ATG7: variants seen among roughly 807,000 people sequenced by gnomAD.
The protein encoded by ATG7 is autophagy related 7, also known as ubiquitin-like modifier-activating enzyme ATG7.
A neutral mutation model predicts 82.4 loss-of-function variants in ATG7; 70 were observed. The ratio of observed to expected loss-of-function variants is 0.85; its 90% confidence interval spans 0.70 to 1.04. The LOEUF (loss-of-function observed/expected upper bound fraction) is 1.04. Among genes scored for constraint, ATG7 ranks in the 50% least tolerant of loss-of-function variants. ATG7 has a pLI of 0.00. For missense variants in ATG7, 792 were observed against 864.3 expected (o/e 0.92, Z 1.05); for synonymous variants, 287 against 313.0 (o/e 0.92, Z 0.88).
chr3:11,575,762 A>G, the ATG7 span, among the ~76,000 whole-genome samples: 2 of 152,244 alleles, frequency 1.3e-5, no homozygotes, highest in African/African-American at 4.8e-5. Context: ...TTTGGCTAGA[A>G]TGAGGCGTAA....
intron 20 of ATG7, among the ~76,000 whole-genome samples, chr3:11,430,776 A>G (rs961484737): frequency 2.0e-5 from 3 of 152,234 alleles, no homozygotes; most frequent in Non-Finnish European, 2.9e-5. Context: ...AGTCATTTGT[A>G]TATTAAGTGC....
intron 20 of ATG7, among the ~76,000 whole-genome samples, chr3:11,505,038 G>A (rs1002895990): frequency 7.2e-5 from 11 of 152,132 alleles, no homozygotes; most frequent in Non-Finnish European, 1.3e-4. Context: ...ATATGAGCAC[G>A]TTATTTTAAC....
chr3:11,564,738 TC>T, the ATG7 span: 1 of 1,487,872 alleles, frequency 6.7e-7, no homozygotes. Flanking sequence ...GGGCTCTCCA[TC>T]CAGCCCAGTC....
chr3:11,425,240 AGGC>A (rs2082267083), intron 19 of ATG7, among the ~76,000 whole-genome samples: 1 of 152,246 alleles, frequency 6.6e-6, no homozygotes, highest in African/African-American at 2.4e-5. Flanking sequence ...CTAGGATTAC[AGGC>A]ATGAGCCATC....
chr3:11,483,806 T>G (rs182590786), intron 20 of ATG7, among the ~76,000 whole-genome samples: 3 of 152,328 alleles, frequency 2.0e-5, no homozygotes, highest in Admixed American at 6.5e-5. Flanking sequence ...CAGGATGGAC[T>G]CTACGGTAGA....
At chr3:11,427,981 A>T (rs530837903) in intron 20 of ATG7, among the ~76,000 whole-genome samples, 32 of 152,286 alleles carry the variant, frequency 2.1e-4, no homozygotes, top group African/African-American at 7.5e-4. Context: ...TACCTGGATA[A>T]AGAAGCCATG....
intron 15 of ATG7, among the ~76,000 whole-genome samples, chr3:11,359,741 C>T (rs1017362833): frequency 2.0e-5 from 3 of 150,718 alleles, no homozygotes; most frequent in South Asian, 2.1e-4. Context: ...ACCAACTATG[C>T]GGAGCCAGGC....
At chr3:11,560,761 C>T (rs930147378), downstream of ATG7, among the ~76,000 whole-genome samples, 1 of 152,150 alleles carries the variant, frequency 6.6e-6, no homozygotes, top group Admixed American at 6.5e-5. Flanking sequence ...CACTTAGCAG[C>T]GGGACAGAGC....
At chr3:11,429,749 A>C (rs1425549333) in intron 20 of ATG7, among the ~76,000 whole-genome samples, 2 of 151,560 alleles carry the variant, frequency 1.3e-5, no homozygotes, top group East Asian at 3.9e-4. Flanking sequence ...GGAGTTTGAG[A>C]CCAGCCTGGG....
In ATG7 at chr3:11,395,965, A is replaced by AAGG. The variant is rs1435086133; in HGVS notation, c.1956+15913_1956+15914insAGG. Among the ~76,000 whole-genome samples, 126 of 78,094 alleles carry AAGG rather than the reference A, an allele frequency of 1.6e-3. 17 individuals are homozygous for AAGG. The highest frequency in any genetic ancestry group is 3.0e-3 in the African/African-American group (51 of 17,250). The allele number at this position is 78,094 out of a possible 152,430, so 51.2% of individuals were successfully genotyped here. On this transcript the variant is annotated intron_variant, in intron 19 of 20. Coordinates refer to ENST00000693202, the MANE Select transcript of ATG7 (RefSeq NM_001349232.2). ...AAAAAAAAAAAAAAAAAAAAAAAAA[A>AAGG]GGTAGGGGGGGAAGAGTAAAAGTGA...
At chr3:11,564,197 GT>G in the ATG7 span, among the ~76,000 whole-genome samples, 1 of 152,162 alleles carries the variant, frequency 6.6e-6, no homozygotes, top group South Asian at 2.1e-4. Flanking sequence ...AAAAAGATTT[GT>G]TTCTACCAAG....
rs200554907 is a variant in ATG7 at position 11,348,010 on chromosome 3, G to A, written c.1259G>A (p.Arg420Gln). 67 of 1,613,836 alleles carry A rather than the reference G, an allele frequency of 4.2e-5. No individual in the cohort carries two copies. The highest frequency in any genetic ancestry group is 5.3e-5 in the Non-Finnish European group (62 of 1,179,818). The change falls in exon 14 of 21, where the codon CGG becomes CAG. Residue 420 changes from arginine (R) to glutamine (Q), a missense_variant. Arg to Gln is a conservative substitution (Grantham distance 43, BLOSUM62 1). Coordinates refer to ENST00000693202, the MANE Select transcript of ATG7 (RefSeq NM_001349232.2). ...CCCAAGGCTCTGGCAGCAGCGGACC[G>A]GCTCCAGAAAATATTCCCCGGTGTG... ...GKPKALAAAD[R>Q]LQKIFPGVNA...
chr3:11,378,671 T>A (rs2077624196), intron 18 of ATG7, among the ~76,000 whole-genome samples: 1 of 98,774 alleles, frequency 1.0e-5, no homozygotes, highest in Non-Finnish European at 1.8e-5. Flanking sequence ...GGCGACAGAG[T>A]GAGACTCCAT....
intron 19 of ATG7, among the ~76,000 whole-genome samples, chr3:11,385,139 C>T (rs111952938): frequency 0.088 from 13,393 of 152,182 alleles, 809 homozygotes; most frequent in African/African-American, 0.17. Flanking sequence ...AAGTGATTCT[C>T]CTGCCTCAGC....
intron 20 of ATG7, among the ~76,000 whole-genome samples, chr3:11,496,537 C>T (rs772511840): frequency 4.6e-5 from 7 of 152,182 alleles, no homozygotes; most frequent in South Asian, 2.1e-4. Flanking sequence ...TTTGTGTCCT[C>T]GCTGGACCAG....
At chr3:11,519,326 G>T (rs1266731016) in intron 20 of ATG7, among the ~76,000 whole-genome samples, 1 of 152,024 alleles carries the variant, frequency 6.6e-6, no homozygotes, top group South Asian at 2.1e-4. Flanking sequence ...ATAAATAGGC[G>T]AAGGTAATTA....
intron 20 of ATG7, among the ~76,000 whole-genome samples, chr3:11,508,389 G>T (rs1212729199): frequency 6.6e-6 from 1 of 151,730 alleles, no homozygotes; most frequent in East Asian, 1.9e-4. Context: ...TTACAAATTT[G>T]TGTTGGGCTG....
downstream of ATG7, among the ~76,000 whole-genome samples, chr3:11,561,331 G>A (rs2072979018): frequency 6.6e-6 from 1 of 151,862 alleles, no homozygotes; most frequent in African/African-American, 2.4e-5. Context: ...CACTTCAGAA[G>A]AGACTCTCTA....
chr3:11,314,311 A>G (rs1949084680), intron 8 of ATG7, among the ~76,000 whole-genome samples: 1 of 152,188 alleles, frequency 6.6e-6, no homozygotes, highest in Non-Finnish European at 1.5e-5. Flanking sequence ...GATGATTTGA[A>G]TTCTTGAAAC....
Sources: gnomAD v4.1 joint callset for allele counts (sites outside exome capture counted in the v4.1 genomes callset) on GRCh38, gnomAD v4.1.1 for gene constraint, MANE v1.5 for transcripts, NCBI Gene and HGNC (gene_info 2026-07-23, HGNC 2026-07-21) for gene names.